The following TSPAN17 variants were observed in gnomAD, a reference collection of about 807,000 sequenced individuals.
TSPAN17 encodes tetraspanin 17.
In TSPAN17, 33 loss-of-function variants were observed where a neutral mutation model predicts 40.5. The observed-to-expected ratio is 0.81, with a 90% confidence interval of 0.62 to 1.09. The LOEUF is 1.09. Ranked by LOEUF, TSPAN17 falls within the 50% of genes least tolerant of loss-of-function variation. The pLI is 0.00. For synonymous variants in TSPAN17, 166 were observed against 169.4 expected (o/e 0.98, Z 0.15); for missense variants, 365 against 416.8 (o/e 0.88, Z 1.08).
chr5:176,648,174 C>T (rs1038521098), intron 1 of TSPAN17, among the ~76,000 whole-genome samples: 3 of 152,198 alleles, frequency 2.0e-5, no homozygotes, highest in Admixed American at 2.0e-4. Flanking sequence ...AGGTGCCTCA[C>T]CTTAGGCTCC....
chr5:176,647,815 T>G, intron 1 of TSPAN17, 113 bp downstream of exon 1: 8 of 981,168 alleles, frequency 8.2e-6, no homozygotes, highest in Admixed American at 5.4e-5. Flanking sequence ...CTCGGGACCA[T>G]CCCCCCACTT....
At position 176,657,705 on chromosome 5, in the gene TSPAN17, C is replaced by T. The variant is rs1761213566; in HGVS notation, c.*7C>T. 1.3e-6 allele frequency: 2 copies of T among 1,551,788 alleles called. No homozygotes were observed. Among genetic ancestry groups the T allele is most frequent in the African/African-American group, 2.8e-5 (2 of 72,122 alleles). ...AACCTTTAAAAATTGGTAGATTTCACATAAAAGTCCAGATCCACAGCTTCT... is the reference window on the plus strand; with the variant it reads ...AACCTTTAAAAATTGGTAGATTTCATATAAAAGTCCAGATCCACAGCTTCT... On this transcript the variant is annotated 3_prime_UTR_variant, in exon 9 of 9. Transcript: ENST00000508164.
chr5:176,656,682 G>T lies in TSPAN17; in HGVS notation c.631-18G>T, dbSNP rs1714930279. 5 of 1,613,028 alleles carry T rather than the reference G, an allele frequency of 3.1e-6. No individual in the cohort carries two copies. In the South Asian group the frequency reaches 3.3e-5, roughly 11 times the overall value. ...CTGAAGGGCAGGTAGGCTGAGCCTG[G>T]TGCCTGCGTGTCCCCAGGAGCTGGA... is the stretch of plus-strand genomic sequence containing the variant. On this transcript the variant is annotated intron_variant, in intron 6 of 8. Transcript: ENST00000508164.
chr5:176,650,030 T>A lies in TSPAN17; in HGVS notation c.88-1586T>A, dbSNP rs1176085632. On this transcript the variant is annotated intron_variant, in intron 1 of 8. Transcript: ENST00000508164. The surrounding 1 kb of genome is among the most constrained non-coding windows in gnomAD (Gnocchi z 4.0). ...AAGGGGTCTGTTTGCATCTGAGGTT[T>A]CCTTGTCTGCTCACTGACTGTCCAT... Among the ~76,000 whole-genome samples, 1 of 152,222 alleles carries A rather than the reference T, an allele frequency of 6.6e-6. No homozygotes were observed. The highest frequency in any genetic ancestry group is 1.9e-4 in the East Asian group (1 of 5,200).
Position 176,652,790 on chromosome 5 carries a change from G to C in TSPAN17, c.333G>C (p.Gly111=). 2 of 1,614,130 alleles carry C rather than the reference G, an allele frequency of 1.2e-6. No homozygotes were observed. The highest frequency in any genetic ancestry group is 1.7e-6 in the Non-Finnish European group (2 of 1,180,014). Residue 111 remains glycine, a synonymous_variant, in exon 4 of 9, where the codon GGG becomes GGC. Coordinates refer to ENST00000508164, the MANE Select transcript of TSPAN17 (RefSeq NM_130465.5). ...GLIFFLELAT[G]ILAFVFKDWI... ...TCTTCTTCCTGGAGCTGGCAACAGGGATCCTGGCCTTTGTCTTCAAGGACT... is the reference window on the plus strand; with the variant it reads ...TCTTCTTCCTGGAGCTGGCAACAGGCATCCTGGCCTTTGTCTTCAAGGACT...
In TSPAN17 at chr5:176,656,069, T is replaced by TCC. The variant is rs748747686; in HGVS notation, c.583-6_583-5dup. 6.2e-7 allele frequency: 1 copy of TCC among 1,613,996 alleles called. No individual in the cohort carries two copies. The highest frequency in any genetic ancestry group is 8.5e-7 in the Non-Finnish European group (1 of 1,179,960). ...TCACCAAGTCACTAACTGGCCTGTCTCCCCTCAGGAGGATGTCCTCAACAC... is the reference window on the plus strand; with the variant it reads ...TCACCAAGTCACTAACTGGCCTGTCTCCCCCCTCAGGAGGATGTCCTCAACAC... On this transcript the variant is annotated splice_polypyrimidine_tract_variant and intron_variant, in intron 5 of 8. Transcript: ENST00000508164.
rs768550714 is a variant in TSPAN17, at chr5:176,651,795, C to G, written c.180C>G (p.Gly60=). The G allele has an allele frequency of 1.2e-6, 2 of 1,614,016 alleles. No individual in the cohort carries two copies. Among genetic ancestry groups the G allele is most frequent in the Admixed American group, 3.3e-5 (2 of 60,004 alleles). ...SNISALTDLG[G]LDPVWLFVVV... ...TCTCAGCGCTGACAGATCTGGGAGGCCTTGACCCCGTGTGGCTGTTTGTGG... is the reference window on the plus strand; with the variant it reads ...TCTCAGCGCTGACAGATCTGGGAGGGCTTGACCCCGTGTGGCTGTTTGTGG... The change falls in exon 3 of 9, where the codon GGC becomes GGG. Residue 60 remains glycine, a synonymous_variant. Transcript: ENST00000508164. This position sits in a 1 kb window ranked among gnomAD's most constrained non-coding sequence, Gnocchi z 4.5.
At chr5:176,649,471 A>T (rs1760880257) in intron 1 of TSPAN17, among the ~76,000 whole-genome samples, 1 of 149,550 alleles carries the variant, frequency 6.7e-6, no homozygotes, top group African/African-American at 2.5e-5. Flanking sequence ...CTTGTTGCCC[A>T]GGCTGGAGTG....
At position 176,647,621 on chromosome 5, in the gene TSPAN17, C is replaced by T. The variant is rs1425931576; in HGVS notation, c.6C>T (p.Pro2=). 17 of 1,576,824 alleles carry T rather than the reference C, an allele frequency of 1.1e-5. No homozygotes were observed. The highest frequency in any genetic ancestry group is 1.4e-5 in the Non-Finnish European group (16 of 1,163,676). ...CCGGCGGGTGGCCGCTCACCATGCCCGGCAAGCACCAGCATTTCCAGGAAC... is the reference window on the plus strand; with the variant it reads ...CCGGCGGGTGGCCGCTCACCATGCCTGGCAAGCACCAGCATTTCCAGGAAC... M[P]GKHQHFQEPE... The change falls in exon 1 of 9, where the codon CCC becomes CCT. Residue 2 remains proline (P), a synonymous_variant. Transcript: ENST00000508164.
In TSPAN17 at chr5:176,654,510, C is replaced by G. The variant is rs765754049; in HGVS notation, c.457-385C>G. The stretch of plus-strand genomic sequence containing the variant: ...TGAAGAGAGGAGGGCTTTGTAGAAC[C>G]TCTGGGGCAAGTGTGGGAGGCCTGC... On this transcript the variant is annotated intron_variant, in intron 4 of 8. Coordinates refer to ENST00000508164, the MANE Select transcript of TSPAN17 (RefSeq NM_130465.5). The surrounding 1 kb of genome is among the most constrained non-coding windows in gnomAD (Gnocchi z 4.3). 1 of 217,578 alleles carries G rather than the reference C, an allele frequency of 4.6e-6. No homozygotes were observed. 13.5% of individuals were successfully genotyped at this position (217,578 alleles called of 1,614,324 possible).
chr5:176,652,141 C>A (rs761279881), intron 3 of TSPAN17, among the ~76,000 whole-genome samples: 1 of 152,138 alleles, frequency 6.6e-6, no homozygotes, highest in South Asian at 2.1e-4. Context: ...TGCTGGCTGC[C>A]GGTGCATTTT....
At position 176,647,596 on chromosome 5, in the gene TSPAN17, C is replaced by A; in HGVS notation, c.-20C>A. The A allele has an allele frequency of 1.3e-6, 2 of 1,551,814 alleles. No homozygotes were observed. The highest frequency in any genetic ancestry group is 4.9e-5 in the East Asian group (2 of 40,624). ...CTGGCTCCCGGCTCCGGTTTCCGGG[C>A]CGGCGGGTGGCCGCTCACCATGCCC... On this transcript the variant is annotated 5_prime_UTR_variant, in exon 1 of 9. Transcript: ENST00000508164.
intron 8 of TSPAN17, chr5:176,657,313 C>G: frequency 1.1e-6 from 1 of 910,318 alleles, no homozygotes; most frequent in Non-Finnish European, 1.6e-6. Flanking sequence ...GGAGGGTCCC[C>G]CCCGTTCCCT....
At position 176,657,914 on chromosome 5, in the gene TSPAN17, C is replaced by A. The variant is rs1263901183; in HGVS notation, c.*216C>A. 3 of 775,580 alleles carry A rather than the reference C, an allele frequency of 3.9e-6. No homozygotes were observed. Among genetic ancestry groups the A allele is most frequent in the Non-Finnish European group, 5.6e-6 (3 of 538,286 alleles). 48.0% of individuals were successfully genotyped at this position (775,580 alleles called of 1,614,324 possible). On this transcript the variant is annotated 3_prime_UTR_variant, in exon 9 of 9. Transcript: ENST00000508164. ...TATTCCCTGCACCTCGAGGCCGCTGCGGGCCAATCTGGAGTGAAACACGGG... is the reference window on the plus strand; with the variant it reads ...TATTCCCTGCACCTCGAGGCCGCTGAGGGCCAATCTGGAGTGAAACACGGG...
chr5:176,656,023 T>G (rs1761142440), intron 5 of TSPAN17, 55 bp from the exon 6 acceptor site: 2 of 1,555,912 alleles, frequency 1.3e-6, no homozygotes, highest in African/African-American at 1.4e-5. Context: ...CCAGGTACCA[T>G]GGACCCCATG....
rs1761225615 is a variant in TSPAN17 at position 176,658,032 on chromosome 5, C to T, written c.*334C>T. The T allele has an allele frequency of 4.3e-6, 1 of 231,268 alleles. No individual in the cohort carries two copies. Among genetic ancestry groups the T allele is most frequent in the Admixed American group, 5.2e-5 (1 of 19,330 alleles). 14.3% of individuals were successfully genotyped at this position (231,268 alleles called of 1,614,324 possible). Reference sequence around the variant, plus strand: ...GGGGACTGCGGTGGGAGTAGAGTGCCCAGGAGAGGGTCTGAGGGGTGGGAT... The same window carrying T: ...GGGGACTGCGGTGGGAGTAGAGTGCTCAGGAGAGGGTCTGAGGGGTGGGAT... On this transcript the variant is annotated 3_prime_UTR_variant, in exon 9 of 9. Transcript: ENST00000508164.
intron 5 of TSPAN17, 123 bp from the exon 6 acceptor site, chr5:176,655,955 C>A: frequency 1.2e-6 from 1 of 856,330 alleles, no homozygotes; most frequent in Non-Finnish European, 2.0e-6. Flanking sequence ...GACTGGTGGA[C>A]ACGGCAGAAT....
rs933483334 is a variant in TSPAN17, at chr5:176,658,314, G to C, written c.*616G>C. Reference sequence around the variant, plus strand: ...GTTCGGAGAGTTTGGGAATTTCTCAGAGCCAACTGGCTCAGGCTTGGGAAG... The same window carrying C: ...GTTCGGAGAGTTTGGGAATTTCTCACAGCCAACTGGCTCAGGCTTGGGAAG... On this transcript the variant is annotated 3_prime_UTR_variant, in exon 9 of 9. Coordinates refer to ENST00000508164, the MANE Select transcript of TSPAN17 (RefSeq NM_130465.5). 1 of 152,440 alleles carries C rather than the reference G, an allele frequency of 6.6e-6. No homozygotes were observed. Among genetic ancestry groups the C allele is most frequent in the African/African-American group, 2.4e-5 (1 of 41,466 alleles). The allele number at this position is 152,440 out of a possible 1,614,324, so 9.4% of individuals were successfully genotyped here.
In TSPAN17 at chr5:176,654,798, G is replaced by T; in HGVS notation, c.457-97G>T. The T allele has an allele frequency of 6.7e-7, 1 of 1,488,946 alleles. No homozygotes were observed. Among genetic ancestry groups the T allele is most frequent in the South Asian group, 1.3e-5 (1 of 76,920 alleles). 92.2% of individuals were successfully genotyped at this position (1,488,946 alleles called of 1,614,324 possible). A position where few individuals can be genotyped will look rare whatever the true frequency, so the allele number is the denominator to read the frequency against. On this transcript the variant is annotated intron_variant, in intron 4 of 8. Transcript: ENST00000508164. This position sits in a 1 kb window ranked among gnomAD's most constrained non-coding sequence, Gnocchi z 4.3. ...ACTTGGCTGTCCCAGCCCTGTCCCA[G>T]ACAGCCCTGTATTCCTGCAGCCTGG...
Sources: allele counts gnomAD v4.1 joint callset (sites outside exome capture counted in the v4.1 genomes callset), GRCh38; gene constraint gnomAD v4.1.1; non-coding constraint Gnocchi (gnomAD v3.1); transcripts MANE v1.5; gene names NCBI Gene and HGNC (gene_info 2026-07-23, HGNC 2026-07-21).